Variants in FHOD3 observed in about 807,000 individuals in gnomAD.
FHOD3 encodes FH1/FH2 domain-containing protein 3.
FHOD3 carries 90 observed loss-of-function variants against 173.0 expected under a neutral mutation model. The ratio of observed to expected loss-of-function variants is 0.52; its 90% confidence interval spans 0.44 to 0.62. FHOD3 has a LOEUF of 0.62. FHOD3 is among the 20% of genes least tolerant of loss of function. The pLI is 0.00. For missense variants in FHOD3, 1,945 were observed against 2,034.7 expected, an observed-to-expected ratio of 0.96 and a Z score of 0.85; for synonymous variants, 828 against 823.0, an observed-to-expected ratio of 1.01 and a Z score of -0.10.
At chr18:36,626,180 G>GA (rs969683662) in intron 10 of FHOD3, among the ~76,000 whole-genome samples, 136 of 152,150 alleles carry the variant, frequency 8.9e-4, no homozygotes, top group African/African-American at 3.2e-3. Context: ...AAGTTAAACA[G>GA]AAAAAACCCA....
At chr18:36,617,054 A>G (rs1286447709) in intron 9 of FHOD3, among the ~76,000 whole-genome samples, 2 of 152,216 alleles carry the variant, frequency 1.3e-5, no homozygotes, top group African/African-American at 4.8e-5. Context: ...TGCCCCAGAG[A>G]GTCATGGCTC....
chr18:36,744,033 C>G lies in FHOD3; in HGVS notation c.3881C>G (p.Ala1294Gly), dbSNP rs780755294. 6.2e-7 allele frequency: 1 copy of G among 1,614,118 alleles called. No individual in the cohort carries two copies. The highest frequency in any genetic ancestry group is 8.5e-7 in the Non-Finnish European group (1 of 1,180,028). ...AIGNFLNGTN[A>G]KAFELSYLEK... ...CTTTTATTGATGTTTGCAAAACAGG[C>G]CAAAGCGTTTGAGTTAAGCTACCTC... The change falls in exon 23 of 29, where the codon GCC (alanine) becomes GGC (glycine). Residue 1294 changes from alanine to glycine, a missense_variant and splice_region_variant. Ala to Gly is a moderately conservative substitution (Grantham distance 60). Transcript: ENST00000590592.
chr18:36,687,517 C>G (rs1185180219), intron 16 of FHOD3, among the ~76,000 whole-genome samples: 1 of 152,194 alleles, frequency 6.6e-6, no homozygotes, highest in Non-Finnish European at 1.5e-5. Context: ...ATGGTCAGCA[C>G]TCCTTCAAGA....
chr18:36,517,501 AAG>A (rs974909281), intron 5 of FHOD3, among the ~76,000 whole-genome samples: 4 of 152,088 alleles, frequency 2.6e-5, no homozygotes, highest in African/African-American at 9.7e-5. Context: ...TGGAGGAGAA[AAG>A]AGAGAGAGAG....
intron 20 of FHOD3, among the ~76,000 whole-genome samples, chr18:36,738,571 CA>C (rs1385909030): frequency 6.6e-6 from 1 of 152,134 alleles, no homozygotes; most frequent in Non-Finnish European, 1.5e-5. Context: ...CATAGTATTC[CA>C]TTTTACTTTT....
intron 3 of FHOD3, among the ~76,000 whole-genome samples, chr18:36,403,077 C>A (rs1207118730): frequency 6.6e-6 from 1 of 152,174 alleles, no homozygotes; most frequent in Non-Finnish European, 1.5e-5. Context: ...GGTGCAGAAT[C>A]CAGTGCTTCT....
At chr18:36,684,753 A>T (rs573892385) in intron 15 of FHOD3, among the ~76,000 whole-genome samples, 3 of 152,326 alleles carry the variant, frequency 2.0e-5, no homozygotes, top group South Asian at 2.1e-4. Context: ...CATTCGTGTC[A>T]TCGGAGTCCC....
In FHOD3 at chr18:36,506,038, T is replaced by C. The variant is rs774113939; in HGVS notation, c.405+4039T>C. Among the ~76,000 whole-genome samples, 100 of 152,364 alleles carry C rather than the reference T, an allele frequency of 6.6e-4. 2 individuals carry two copies. The highest frequency in any genetic ancestry group is 7.8e-4 in the Admixed American group (12 of 15,314). ...ATAAACATTTTGTACTGGGGACTTATGCTTACTTCACAGAAGCTGGACTAG... is the reference window on the plus strand; with the variant it reads ...ATAAACATTTTGTACTGGGGACTTACGCTTACTTCACAGAAGCTGGACTAG... On this transcript the variant is annotated intron_variant, in intron 4 of 28. Coordinates refer to ENST00000590592, the MANE Select transcript of FHOD3 (RefSeq NM_001281740.3).
intron 19 of FHOD3, among the ~76,000 whole-genome samples, chr18:36,725,535 G>A (rs544115013): frequency 7.9e-5 from 12 of 152,094 alleles, no homozygotes; most frequent in Admixed American, 2.6e-4. Flanking sequence ...ATCATGGACC[G>A]TCACTGAGAA....
At chr18:36,456,802 C>A (rs1227295355) in intron 3 of FHOD3, among the ~76,000 whole-genome samples, 1 of 152,136 alleles carries the variant, frequency 6.6e-6, no homozygotes, top group Admixed American at 6.5e-5. Context: ...AGCAGGACCA[C>A]ACAGCTGAGA....
chr18:36,439,875 A>G (rs536907091), intron 3 of FHOD3, among the ~76,000 whole-genome samples: 10 of 152,214 alleles, frequency 6.6e-5, no homozygotes, highest in South Asian at 4.1e-4. Flanking sequence ...CTTTTGTTCT[A>G]TGTGGTCCCT....
chr18:36,461,449 T>C (rs189503209), intron 3 of FHOD3, among the ~76,000 whole-genome samples: 6 of 149,136 alleles, frequency 4.0e-5, no homozygotes, highest in African/African-American at 1.5e-4. Context: ...CTGTTTTTTT[T>C]TGTGTGTGTG....
At chr18:36,326,899 C>G (rs1241695482) in intron 1 of FHOD3, among the ~76,000 whole-genome samples, 1 of 152,210 alleles carries the variant, frequency 6.6e-6, no homozygotes, top group Non-Finnish European at 1.5e-5. Context: ...GATACCCAGC[C>G]CAACTGCCTA....
chr18:36,626,075 C>CA (rs1332762211), intron 10 of FHOD3, among the ~76,000 whole-genome samples: 1 of 152,084 alleles, frequency 6.6e-6, no homozygotes, highest in Non-Finnish European at 1.5e-5. Context: ...CTTCAAAACA[C>CA]AAAACTTTGG....
chr18:36,309,724 C>A (rs1177965132), intron 1 of FHOD3, among the ~76,000 whole-genome samples: 2 of 152,216 alleles, frequency 1.3e-5, no homozygotes, highest in Non-Finnish European at 2.9e-5. Context: ...GAAAGGAGAG[C>A]TGTTGGGCAG....
intron 1 of FHOD3, among the ~76,000 whole-genome samples, chr18:36,327,099 A>G (rs2044711819): frequency 6.6e-6 from 1 of 152,240 alleles, no homozygotes; most frequent in Admixed American, 6.5e-5. Context: ...CTGCTAATTT[A>G]GGAAGCAGCT....
At chr18:36,397,293 C>T (rs533133759) in intron 3 of FHOD3, among the ~76,000 whole-genome samples, 7 of 152,320 alleles carry the variant, frequency 4.6e-5, no homozygotes, top group African/African-American at 9.6e-5. Flanking sequence ...TTTCCCTCTA[C>T]TCTCTGCTGA....
intron 5 of FHOD3, among the ~76,000 whole-genome samples, chr18:36,551,085 T>C (rs2057634413): frequency 6.6e-6 from 1 of 152,214 alleles, no homozygotes; most frequent in Admixed American, 6.5e-5. Flanking sequence ...TGAGGAAGTT[T>C]CCTTTTATTT....
chr18:36,382,153 T>C (rs1330702186), intron 3 of FHOD3, among the ~76,000 whole-genome samples: 2 of 152,208 alleles, frequency 1.3e-5, no homozygotes, highest in Non-Finnish European at 2.9e-5. Context: ...TTGTGGCCTT[T>C]GCATTGCAGT....
Sources: gnomAD v4.1 joint callset for allele counts (sites outside exome capture counted in the v4.1 genomes callset) on GRCh38, gnomAD v4.1.1 for gene constraint, MANE v1.5 for transcripts, NCBI Gene and HGNC (gene_info 2026-07-23, HGNC 2026-07-21) for gene names.